Variants in KDM6A observed in about 807,000 individuals in gnomAD.
KDM6A encodes lysine-specific demethylase 6A.
A neutral mutation model predicts 117.6 loss-of-function variants in KDM6A; 11 were observed. The ratio of observed to expected loss-of-function variants is 0.09; its 90% CI spans 0.06 to 0.15. The LOEUF (loss-of-function observed/expected upper bound fraction) is 0.15. Ranked by LOEUF, KDM6A falls within the 10% of genes least tolerant of loss-of-function variation. KDM6A has a pLI of 1.00. For synonymous variants in KDM6A, 384 were observed against 396.1 expected (o/e 0.97, Z 0.36); for missense variants, 799 against 1,077.3 (o/e 0.74, Z 3.62).
Position 45,103,204 on chromosome X carries a change from A to G in KDM6A, c.4035-4206A>G, listed in dbSNP as rs759321004. ...TGTCTTAACTTTGATGTAATATAAT[A>G]TTATTATGGCTTCATTCCTGTTACT... is the stretch of plus-strand genomic sequence containing the variant. On this transcript the variant is annotated intron_variant, in intron 27 of 29. Transcript: ENST00000611820. Among the ~76,000 whole-genome samples, 3 of 111,119 alleles carry G rather than the reference A, an allele frequency of 2.7e-5. No homozygotes were observed. The East Asian group carries it at 8.4e-4, about 31-fold the overall frequency.
intron 17 of KDM6A, among the ~76,000 whole-genome samples, chrX:45,067,661 T>G (rs866856178): frequency 5.4e-5 from 5 of 92,842 alleles, no homozygotes; most frequent in Admixed American, 2.1e-4. Flanking sequence ...TTGTTTTTTT[T>G]TTTTTTTTTG....
At chrX:44,894,226 C>T (rs1004087947) in intron 2 of KDM6A, among the ~76,000 whole-genome samples, 2 of 111,502 alleles carry the variant, frequency 1.8e-5, no homozygotes, top group African/African-American at 6.5e-5. Flanking sequence ...AGGATAATAC[C>T]AGCCTCCATA....
At chrX:44,892,454 C>T (rs1315046822) in intron 2 of KDM6A, among the ~76,000 whole-genome samples, 1 of 110,359 alleles carries the variant, frequency 9.1e-6, no homozygotes, top group Admixed American at 9.7e-5. Flanking sequence ...TTTGGGAGGC[C>T]GAGGTGGGTG....
intron 8 of KDM6A, among the ~76,000 whole-genome samples, chrX:45,040,892 C>T (rs1159378506): frequency 1.3e-5 from 1 of 79,103 alleles, no homozygotes. Flanking sequence ...ACCTCCCTCC[C>T]GGACGGGGCG....
intron 4 of KDM6A, among the ~76,000 whole-genome samples, chrX:44,992,492 A>AG (rs2040663601): frequency 9.3e-6 from 1 of 107,696 alleles, no homozygotes; most frequent in Admixed American, 1.0e-4. Flanking sequence ...CAAAGTGCTG[A>AG]GGTTATAGGC....
At chrX:45,047,693 T>C (rs1300255092) in intron 8 of KDM6A, among the ~76,000 whole-genome samples, 2 of 75,384 alleles carry the variant, frequency 2.7e-5, no homozygotes, top group African/African-American at 9.4e-5. Flanking sequence ...TTTTTTTTTT[T>C]TTTTTTTTTT....
At chrX:44,922,735 C>T (rs890805657) in intron 2 of KDM6A, among the ~76,000 whole-genome samples, 1 of 112,921 alleles carries the variant, frequency 8.9e-6, no homozygotes, top group Non-Finnish European at 1.9e-5. Flanking sequence ...TCCCAAAGTG[C>T]TGGGATTACA....
chrX:45,082,690 T>C (rs376238575), intron 22 of KDM6A, 25 bp from the exon 23 acceptor site: 91 of 1,183,860 alleles, frequency 7.7e-5, no homozygotes, highest in Non-Finnish European at 9.3e-5. Flanking sequence ...AAGGCATGTT[T>C]CTAATACTGT....
At chrX:44,933,289 A>T (rs1602246871) in intron 2 of KDM6A, among the ~76,000 whole-genome samples, 1 of 50,391 alleles carries the variant, frequency 2.0e-5, no homozygotes. Flanking sequence ...TTTTTTTGAG[A>T]CGGAGTCTCA....
At chrX:45,036,481 T>C (rs969105653) in intron 7 of KDM6A, among the ~76,000 whole-genome samples, 4 of 112,021 alleles carry the variant, frequency 3.6e-5, no homozygotes, top group Admixed American at 9.5e-5. Context: ...AAATTCAGGA[T>C]CCAGTACTGA....
rs747244792 is a variant in KDM6A at position 45,042,553 on chromosome X, A to G, written c.654+4864A>G. Among the ~76,000 whole-genome samples the G allele has an allele frequency of 2.7e-5, 3 of 111,679 alleles. No individual in the cohort carries two copies. In the South Asian group the frequency reaches 1.1e-3, roughly 42 times the overall value. On this transcript the variant is annotated intron_variant, in intron 8 of 29. Transcript: ENST00000611820. ...CCACCAATTTTTACCAATGGACCCTATTTATGAATATGGATTTAGGAAATT... is the reference window on the plus strand; with the variant it reads ...CCACCAATTTTTACCAATGGACCCTGTTTATGAATATGGATTTAGGAAATT...
intron 4 of KDM6A, among the ~76,000 whole-genome samples, chrX:44,994,081 A>C (rs1048700451): frequency 2.2e-4 from 25 of 111,147 alleles, no homozygotes; most frequent in East Asian, 1.1e-3. Flanking sequence ...CATACCCATA[A>C]CCTCACTTAC....
intron 21 of KDM6A, 62 bp downstream of exon 21, chrX:45,079,413 T>G: frequency 1.2e-6 from 1 of 844,754 alleles, no homozygotes; most frequent in East Asian, 3.2e-5. Flanking sequence ...TTTGGAGTTT[T>G]GAAAGGACAC....
At chrX:44,977,053 G>A (rs974545107) in intron 4 of KDM6A, among the ~76,000 whole-genome samples, 3 of 111,184 alleles carry the variant, frequency 2.7e-5, no homozygotes, top group African/African-American at 9.8e-5. Context: ...AGAAAATAAA[G>A]TTTTAAACTT....
chrX:45,107,778 A>G (rs2046584571), intron 28 of KDM6A, among the ~76,000 whole-genome samples: 1 of 111,871 alleles, frequency 8.9e-6, no homozygotes, highest in Admixed American at 9.5e-5. Flanking sequence ...TAGATCTTCA[A>G]CAGACAATAA....
chrX:44,888,087 A>G (rs777679722), intron 2 of KDM6A, among the ~76,000 whole-genome samples: 83 of 111,161 alleles, frequency 7.5e-4, no homozygotes, highest in African/African-American at 2.0e-3. Context: ...CGGGTGGATC[A>G]TGAGGTTGGG....
chrX:45,068,911 G>C (rs946166449), intron 17 of KDM6A, among the ~76,000 whole-genome samples: 1 of 106,038 alleles, frequency 9.4e-6, no homozygotes, highest in Non-Finnish European at 1.9e-5. Flanking sequence ...GCCCAGCCTG[G>C]TCTCGAACTC....
intron 2 of KDM6A, among the ~76,000 whole-genome samples, chrX:44,947,600 T>C (rs564643527): frequency 4.5e-5 from 5 of 110,238 alleles, no homozygotes; most frequent in African/African-American, 1.7e-4. Flanking sequence ...ATGGTCTCGA[T>C]CTCCTGACCT....
chrX:44,935,514 A>G (rs978314219), intron 2 of KDM6A, among the ~76,000 whole-genome samples: 1 of 111,346 alleles, frequency 9.0e-6, no homozygotes, highest in African/African-American at 3.3e-5. Flanking sequence ...AAAATCTTAA[A>G]TTATGGTATG....
Sources: allele counts gnomAD v4.1 joint callset (sites outside exome capture counted in the v4.1 genomes callset), GRCh38; gene constraint gnomAD v4.1.1; transcripts MANE v1.5; gene names NCBI Gene and HGNC (gene_info 2026-07-23, HGNC 2026-07-21).